Variants in FAT1 observed in about 807,000 individuals in gnomAD.
FAT1 encodes protocadherin Fat 1.
In FAT1, 171 loss-of-function variants were observed where a neutral mutation model predicts 329.8. The ratio of observed to expected loss-of-function variants is 0.52; its 90% CI spans 0.46 to 0.59. FAT1 has a LOEUF of 0.59. Ranked by LOEUF, FAT1 falls within the 20% of genes least tolerant of loss-of-function variation. The probability of loss-of-function intolerance (pLI) is 0.00; values close to 1 mark genes in which losing one functional copy is unlikely to be tolerated. For synonymous variants in FAT1, 2,233 were observed against 2,228.6 expected (o/e 1.00, Z -0.06); for missense variants, 5,672 against 5,774.4 (o/e 0.98, Z 0.57).
chr4:186,605,981 A>C, intron 17 of FAT1, 89 bp downstream of exon 17: 1 of 1,251,844 alleles, frequency 8.0e-7, no homozygotes, highest in East Asian at 2.3e-5. Context: ...TCTAGAAAGA[A>C]ACCTTTGGAT....
rs747597555 is a variant in FAT1 at position 186,633,776 on chromosome 4, T to C, written c.4231A>G (p.Ile1411Val). Reference protein sequence around the residue: ...HFDVDKGTGTIIVAKPLDAEQ... With the variant: ...HFDVDKGTGTVIVAKPLDAEQ... ...GCATCAAGAGGTTTGGCAACAATGATGGTTCCAGTTCCCTTGTCCACATCG... is the reference window on the plus strand; with the variant it reads ...GCATCAAGAGGTTTGGCAACAATGACGGTTCCAGTTCCCTTGTCCACATCG... The change falls in exon 7 of 27, where the codon ATC becomes GTC. Residue 1411 changes from isoleucine (I) to valine (V), a missense_variant. Physicochemically the swap from Ile to Val is conservative, Grantham distance 29. This residue lies in a region of FAT1 where 3,966 missense variants were observed against 3,915.2 expected (regional missense o/e 1.01). Coordinates refer to ENST00000441802, the MANE Select transcript of FAT1 (RefSeq NM_005245.4). 2.2e-5 allele frequency: 36 copies of C among 1,613,898 alleles called. No homozygotes were observed. The highest frequency in any genetic ancestry group is 3.0e-5 in the Non-Finnish European group (35 of 1,179,888).
chr4:186,634,268 C>T (rs577585204), intron 6 of FAT1, among the ~76,000 whole-genome samples: 2 of 152,162 alleles, frequency 1.3e-5, no homozygotes, highest in South Asian at 2.1e-4. Context: ...AAAAAAATAG[C>T]GGTCGTTAAC....
At chr4:186,695,698 C>T (rs2126666804) in intron 2 of FAT1, among the ~76,000 whole-genome samples, 1 of 151,308 alleles carries the variant, frequency 6.6e-6, no homozygotes, top group South Asian at 2.1e-4. Flanking sequence ...TGGTGGAAGT[C>T]AAATGACAAA....
rs1289554201 is a variant in FAT1 at position 186,708,032 on chromosome 4, A to G, written c.1796T>C (p.Leu599Pro). 1 of 1,614,016 alleles carries G rather than the reference A, an allele frequency of 6.2e-7. No individual in the cohort carries two copies. Among genetic ancestry groups the G allele is most frequent in the South Asian group, 1.1e-5 (1 of 91,084 alleles). Reference protein sequence around the residue: ...TTVSAIDADELQLVQYQIEAG... With the variant: ...TTVSAIDADEPQLVQYQIEAG... Reference sequence around the variant, plus strand: ...TTCAATCTGATACTGTACCAACTGAAGTTCATCTGCATCAATAGCAGAAAC... The same window carrying G: ...TTCAATCTGATACTGTACCAACTGAGGTTCATCTGCATCAATAGCAGAAAC... The change falls in exon 2 of 27, where the codon CTT (leucine) becomes CCT (proline). Residue 599 changes from leucine to proline, a missense_variant. Coordinates refer to ENST00000441802, the MANE Select transcript of FAT1 (RefSeq NM_005245.4).
intron 3 of FAT1, among the ~76,000 whole-genome samples, chr4:186,640,389 G>A (rs1488017540): frequency 6.6e-6 from 1 of 152,224 alleles, no homozygotes; most frequent in East Asian, 1.9e-4. Context: ...TGTCAGAAAA[G>A]ATTTTTTAAA....
At chr4:186,688,056 A>AT (rs904343929) in intron 2 of FAT1, among the ~76,000 whole-genome samples, 31 of 141,150 alleles carry the variant, frequency 2.2e-4, no homozygotes, top group Admixed American at 1.9e-3. Flanking sequence ...AATAAAGATC[A>AT]TTTTTTTAAT....
intron 26 of FAT1, among the ~76,000 whole-genome samples, chr4:186,591,527 T>C (rs1229343416): frequency 6.6e-6 from 1 of 152,232 alleles, no homozygotes; most frequent in Non-Finnish European, 1.5e-5. Flanking sequence ...CAACTTTAAA[T>C]TCCATGTGCA....
At chr4:186,622,558 A>C (rs114884227) in intron 9 of FAT1, among the ~76,000 whole-genome samples, 1,548 of 152,332 alleles carry the variant, frequency 0.01, 20 homozygotes, top group African/African-American at 0.035. Flanking sequence ...GCAGTGCTGA[A>C]GCTGAGAGGC....
In FAT1 at chr4:186,618,205, T is replaced by C; in HGVS notation, c.8381A>G (p.Asp2794Gly). ...TGCATCTTTCACTTGGATACTAACA[T>C]CTACAGAAGCCACCATCTCATGGTC... ...QDDHEMVASVDVSIQVKDAND... is the reference protein window; with the variant it reads ...QDDHEMVASVGVSIQVKDAND... Residue 2794 changes from aspartate (D) to glycine (G), a missense_variant, in exon 10 of 27, where the codon GAT becomes GGT. Asp to Gly is a moderately conservative substitution (Grantham distance 94). This residue lies in a region of FAT1 where 3,966 missense variants were observed against 3,915.2 expected (regional missense o/e 1.01). Coordinates refer to ENST00000441802, the MANE Select transcript of FAT1 (RefSeq NM_005245.4). The C allele has an allele frequency of 6.2e-7, 1 of 1,614,020 alleles. No individual in the cohort carries two copies. Among genetic ancestry groups the C allele is most frequent in the South Asian group, 1.1e-5 (1 of 91,084 alleles).
At chr4:186,680,185 A>G (rs553469050) in intron 2 of FAT1, among the ~76,000 whole-genome samples, 2 of 152,364 alleles carry the variant, frequency 1.3e-5, no homozygotes, top group Admixed American at 1.3e-4. Flanking sequence ...ATGCTGGCAT[A>G]TCCCTGGCTT....
intron 4 of FAT1, among the ~76,000 whole-genome samples, chr4:186,638,685 C>T (rs758468115): frequency 2.0e-5 from 3 of 151,636 alleles, no homozygotes; most frequent in South Asian, 2.1e-4. Flanking sequence ...TTACTGACAA[C>T]GTTAAGAAAA....
At chr4:186,634,581 G>A (rs780845969) in intron 6 of FAT1, among the ~76,000 whole-genome samples, 5 of 151,876 alleles carry the variant, frequency 3.3e-5, no homozygotes, top group African/African-American at 9.7e-5. Context: ...ACACGCTGGC[G>A]AGTGGGATGG....
chr4:186,651,330 G>C (rs942771220), intron 3 of FAT1, among the ~76,000 whole-genome samples: 2 of 152,036 alleles, frequency 1.3e-5, no homozygotes, highest in Non-Finnish European at 2.9e-5. Flanking sequence ...CCAGAACAAA[G>C]CTGTGTATGT....
At position 186,707,521 on chromosome 4, in the gene FAT1, C is replaced by T. The variant is rs755879186; in HGVS notation, c.2307G>A (p.Met769Ile). ...ATAAAATTTTCAGCATTCCTGTTTC[C>T]ATATCAATCATGAAGCAACTATCCT... The part of the protein sequence containing the change: ...GNEDSCFMID[M>I]ETGMLKILSP... Residue 769 changes from methionine (M) to isoleucine (I), a missense_variant, in exon 2 of 27, where the codon ATG (methionine) becomes ATA (isoleucine). Physicochemically the swap from Met to Ile is conservative, Grantham distance 10. This residue lies in a region of FAT1 where 3,966 missense variants were observed against 3,915.2 expected (regional missense o/e 1.01). Transcript: ENST00000441802. The T allele has an allele frequency of 5.6e-6, 9 of 1,613,950 alleles. No homozygotes were observed. Among genetic ancestry groups the T allele is most frequent in the Non-Finnish European group, 7.6e-6 (9 of 1,179,886 alleles).
At chr4:186,592,977 G>A (rs940437366) in intron 26 of FAT1, among the ~76,000 whole-genome samples, 16 of 152,080 alleles carry the variant, frequency 1.1e-4, no homozygotes, top group African/African-American at 3.4e-4. Flanking sequence ...AAGGAATAAC[G>A]TAAACATATT....
rs371987657 is a variant in FAT1, at chr4:186,603,839, C to T, written c.10687G>A (p.Val3563Ile). ...TSSGEEYSGG[V>I]IGKIHATDQD... ...TCTGTGGCATGGATCTTCCCAATGA[C>T]GCCACCTGAGTATTCTTCTCCAGAA... Residue 3563 changes from valine (V) to isoleucine (I), a missense_variant, in exon 19 of 27, where the codon GTC (valine) becomes ATC (isoleucine). Coordinates refer to ENST00000441802, the MANE Select transcript of FAT1 (RefSeq NM_005245.4). The T allele has an allele frequency of 4.3e-6, 7 of 1,613,906 alleles. No individual in the cohort carries two copies. Among genetic ancestry groups the T allele is most frequent in the African/African-American group, 1.3e-5 (1 of 75,016 alleles).
At chr4:186,698,284 C>T (rs1202078758) in intron 2 of FAT1, among the ~76,000 whole-genome samples, 1 of 152,120 alleles carries the variant, frequency 6.6e-6, no homozygotes, top group African/African-American at 2.4e-5. Flanking sequence ...GAAGTGCCCC[C>T]GCAGCGAAGA....
intron 22 of FAT1, 64 bp downstream of exon 22, chr4:186,599,834 G>A: frequency 3.2e-6 from 4 of 1,241,578 alleles, no homozygotes; most frequent in Non-Finnish European, 4.5e-6. Context: ...AAAATACCTG[G>A]GGAGCTTCCC....
At position 186,723,786 on chromosome 4, in the gene FAT1, T is replaced by G. The variant is rs1201700196; in HGVS notation, c.-141A>C. 4 of 141,360 alleles carry G rather than the reference T, an allele frequency of 2.8e-5. No individual in the cohort carries two copies. Among genetic ancestry groups the G allele is most frequent in the South Asian group, 4.8e-4 (2 of 4,128 alleles). The allele number at this position is 141,360 out of a possible 1,614,324, so 8.8% of individuals were successfully genotyped here. A position where few individuals can be genotyped will look rare whatever the true frequency, so the allele number is the denominator to read the frequency against. On this transcript the variant is annotated 5_prime_UTR_variant, in exon 1 of 27. Coordinates refer to ENST00000441802, the MANE Select transcript of FAT1 (RefSeq NM_005245.4). Reference sequence around the variant, plus strand: ...CGGGCTCGCGCGTCCGCATGGTACCTGCCGCACGAGCCGCTCCCGCGCCCT... The same window carrying G: ...CGGGCTCGCGCGTCCGCATGGTACCGGCCGCACGAGCCGCTCCCGCGCCCT...
Sources: allele counts gnomAD v4.1 joint callset (sites outside exome capture counted in the v4.1 genomes callset), GRCh38; gene constraint gnomAD v4.1.1; regional missense constraint gnomAD v4.1.1; transcripts MANE v1.5; gene names NCBI Gene and HGNC (gene_info 2026-07-23, HGNC 2026-07-21).